The following PLPPR1 variants were observed in gnomAD, a reference collection of about 807,000 sequenced individuals.
The protein encoded by PLPPR1 is phospholipid phosphatase-related protein type 1.
Under a neutral mutation model 33.1 loss-of-function variants are expected in PLPPR1, and 10 were observed. That is an observed-to-expected ratio of 0.30 (90% CI 0.19 to 0.51). PLPPR1 has a LOEUF of 0.51. Ranked by LOEUF, PLPPR1 falls within the 20% of genes least tolerant of loss-of-function variation. The probability of loss-of-function intolerance (pLI) is 0.97; values close to 1 mark genes in which losing one functional copy is unlikely to be tolerated. For missense variants in PLPPR1, 304 were observed against 408.1 expected (o/e 0.74, Z 2.20); for synonymous variants, 151 against 151.0 (o/e 1.00, Z 0.00).
intron 2 of PLPPR1, among the ~76,000 whole-genome samples, chr9:101,263,069 GGTTCA>G (rs1827929175): frequency 6.6e-6 from 1 of 151,938 alleles, no homozygotes. Context: ...CAGGTTGATG[GGTTCA>G]GCAAACCACC....
chr9:101,032,866 T>G (rs917654522), intron 1 of PLPPR1, among the ~76,000 whole-genome samples: 4 of 152,158 alleles, frequency 2.6e-5, no homozygotes, highest in Admixed American at 6.5e-5. Flanking sequence ...TTTTTATGTT[T>G]AAAAAATGAG....
intron 2 of PLPPR1, among the ~76,000 whole-genome samples, chr9:101,213,130 A>C (rs1826718703): frequency 6.6e-6 from 1 of 152,176 alleles, no homozygotes; most frequent in African/African-American, 2.4e-5. Context: ...CTAGGGTTCA[A>C]ATTCATGGTG....
intron 1 of PLPPR1, among the ~76,000 whole-genome samples, chr9:101,126,599 G>A (rs559516327): frequency 3.3e-5 from 5 of 152,254 alleles, no homozygotes; most frequent in South Asian, 4.1e-4. Context: ...ACTACCAATT[G>A]CTCCAGGTTT....
chr9:101,094,964 A>T (rs529746493), intron 1 of PLPPR1, among the ~76,000 whole-genome samples: 1 of 152,282 alleles, frequency 6.6e-6, no homozygotes, highest in African/African-American at 2.4e-5. Context: ...AGTGCCTGGT[A>T]GCATCAAGCC....
chr9:101,191,447 G>A (rs1014655867), intron 2 of PLPPR1, among the ~76,000 whole-genome samples: 6 of 151,454 alleles, frequency 4.0e-5, no homozygotes, highest in Admixed American at 1.3e-4. Flanking sequence ...CTTCTCTCCC[G>A]TTCCACTTCT....
At chr9:101,306,263 A>G (rs6479048) in intron 4 of PLPPR1, among the ~76,000 whole-genome samples, 18,045 of 152,244 alleles carry the variant, frequency 0.12, 1,248 homozygotes, top group South Asian at 0.18. Context: ...CCCTTTGTCC[A>G]CATTTACAAA....
At chr9:101,127,843 A>G (rs970597423) in intron 1 of PLPPR1, among the ~76,000 whole-genome samples, 1 of 152,156 alleles carries the variant, frequency 6.6e-6, no homozygotes, top group Non-Finnish European at 1.5e-5. Flanking sequence ...GCTTCTCCCA[A>G]CACTCATCTT....
At chr9:101,081,884 C>T (rs112505137) in intron 1 of PLPPR1, among the ~76,000 whole-genome samples, 79 of 152,346 alleles carry the variant, frequency 5.2e-4, no homozygotes, top group Non-Finnish European at 9.7e-4. Context: ...TGGATCTTAA[C>T]TTGGCTGGCA....
intron 1 of PLPPR1, among the ~76,000 whole-genome samples, chr9:101,030,927 A>G (rs1364478588): frequency 6.6e-6 from 1 of 150,978 alleles, no homozygotes; most frequent in African/African-American, 2.4e-5. Flanking sequence ...AAAGGTGAAA[A>G]GCTTTTTTAA....
intron 2 of PLPPR1, among the ~76,000 whole-genome samples, chr9:101,261,824 T>A (rs1827904157): frequency 6.6e-6 from 1 of 152,030 alleles, no homozygotes; most frequent in Non-Finnish European, 1.5e-5. Flanking sequence ...AGGGGAACAA[T>A]GCACACTAGA....
At chr9:101,291,839 G>A (rs1828515597) in intron 4 of PLPPR1, among the ~76,000 whole-genome samples, 1 of 152,070 alleles carries the variant, frequency 6.6e-6, no homozygotes, top group Non-Finnish European at 1.5e-5. Flanking sequence ...CAAAGATGGG[G>A]AAAAAACAGA....
rs370252298 is a variant in PLPPR1 at position 101,216,810 on chromosome 9, A to G, written c.63+31253A>G. On this transcript the variant is annotated intron_variant, in intron 2 of 7. Transcript: ENST00000374874. ...TCAGTGGCCTCTACTCTACTCATCAAATGCCTGTAGCACCTTCTCCTTCAG... is the reference window on the plus strand; with the variant it reads ...TCAGTGGCCTCTACTCTACTCATCAGATGCCTGTAGCACCTTCTCCTTCAG... Among the ~76,000 whole-genome samples the G allele has an allele frequency of 2.5e-4, 38 of 152,244 alleles. 1 individual carries two copies. The South Asian group carries it at 3.1e-3, about 12-fold the overall frequency.
At chr9:101,031,784 G>C (rs968819922) in intron 1 of PLPPR1, among the ~76,000 whole-genome samples, 1 of 152,168 alleles carries the variant, frequency 6.6e-6, no homozygotes, top group Non-Finnish European at 1.5e-5. Context: ...AGGATAGAAA[G>C]GACATTCCAG....
intron 3 of PLPPR1, among the ~76,000 whole-genome samples, chr9:101,285,250 C>T (rs1281455411): frequency 1.3e-5 from 2 of 151,972 alleles, no homozygotes; most frequent in African/African-American, 4.8e-5. Flanking sequence ...AATGGGAATA[C>T]ACTGTGCTGG....
At chr9:101,158,360 G>C (rs1245203325) in intron 1 of PLPPR1, among the ~76,000 whole-genome samples, 3 of 152,184 alleles carry the variant, frequency 2.0e-5, no homozygotes, top group Non-Finnish European at 2.9e-5. Flanking sequence ...GAGGTCAATG[G>C]AGGAGAGAGT....
Position 101,267,868 on chromosome 9 carries a change from A to T in PLPPR1, c.64-2012A>T, listed in dbSNP as rs540232122. 6.3e-4 allele frequency among the ~76,000 whole-genome samples: 96 copies of T among 152,226 alleles called. 2 individuals carry two copies. In the South Asian group the frequency reaches 0.019, roughly 30 times the overall value. On this transcript the variant is annotated intron_variant, in intron 2 of 7. Transcript: ENST00000374874. ...GGTATCTCTGTTATAATGTGTCTCAAGTACAAACTTCTGTCTGGTTTTGTT... is the reference window on the plus strand; with the variant it reads ...GGTATCTCTGTTATAATGTGTCTCATGTACAAACTTCTGTCTGGTTTTGTT...
chr9:101,196,432 C>T (rs1335060481), intron 2 of PLPPR1, among the ~76,000 whole-genome samples: 1 of 152,128 alleles, frequency 6.6e-6, no homozygotes. Flanking sequence ...ATGAATATGA[C>T]AGATTTTACT....
At chr9:101,232,865 C>G (rs534572215) in intron 2 of PLPPR1, among the ~76,000 whole-genome samples, 1 of 151,882 alleles carries the variant, frequency 6.6e-6, no homozygotes, top group African/African-American at 2.4e-5. Context: ...AGAAAATGTC[C>G]GGTTGTTCAT....
chr9:101,158,570 TATC>T, intron 1 of PLPPR1, among the ~76,000 whole-genome samples: 1 of 152,342 alleles, frequency 6.6e-6, no homozygotes, highest in South Asian at 2.1e-4. Flanking sequence ...TCAAGTCAGC[TATC>T]ATCATGAGTC....
Sources: allele counts gnomAD v4.1 joint callset (sites outside exome capture counted in the v4.1 genomes callset), GRCh38; gene constraint gnomAD v4.1.1; transcripts MANE v1.5; gene names NCBI Gene and HGNC (gene_info 2026-07-23, HGNC 2026-07-21).